The following SARAF variants were observed in gnomAD, a reference collection of about 807,000 sequenced individuals.
SARAF encodes store-operated calcium entry associated regulatory factor.
Under a neutral mutation model 39.7 loss-of-function variants are expected in SARAF, and 23 were observed. The observed-to-expected ratio is 0.58, with a 90% CI of 0.42 to 0.82. The LOEUF (loss-of-function observed/expected upper bound fraction) is 0.82. Among genes scored for constraint, SARAF ranks in the 40% least tolerant of loss-of-function variants. The pLI, the probability that SARAF is intolerant of heterozygous loss-of-function variation, is 0.00. For missense variants in SARAF, 384 were observed against 418.5 expected (o/e 0.92, Z 0.72); for synonymous variants, 175 against 168.5 (o/e 1.04, Z -0.30).
intron 1 of SARAF, among the ~76,000 whole-genome samples, chr8:30,081,040 G>A (rs1475655713): frequency 6.6e-6 from 1 of 152,154 alleles, no homozygotes; most frequent in Non-Finnish European, 1.5e-5. Context: ...TCGGGAGGCT[G>A]AGGCAGGAAA....
chr8:30,064,892 C>T (rs956234512), intron 5 of SARAF, among the ~76,000 whole-genome samples: 2 of 151,788 alleles, frequency 1.3e-5, no homozygotes, highest in African/African-American at 4.8e-5. Flanking sequence ...TATATTCTCC[C>T]AACTCCTTTT....
chr8:30,069,860 TAATC>T lies in SARAF; in HGVS notation c.478_481del (p.Asp160IlefsTer13). On this transcript the variant is annotated frameshift_variant, in exon 3 of 6. Transcript: ENST00000256255. LOFTEE classifies it high-confidence loss of function. ...ATCCGCCGAGGACCACTTATAATAATAATCAGAGAAAGAGGCAAAGCCGTGCTGC... is the reference window on the plus strand; with the variant it reads ...ATCCGCCGAGGACCACTTATAATAATAGAGAAAGAGGCAAAGCCGTGCTGC... 6.2e-7 allele frequency: 1 copy of T among 1,614,134 alleles called. No homozygotes were observed. The highest frequency in any genetic ancestry group is 8.5e-7 in the Non-Finnish European group (1 of 1,179,984).
chr8:30,076,605 T>C (rs1431859150), intron 1 of SARAF, among the ~76,000 whole-genome samples: 1 of 152,242 alleles, frequency 6.6e-6, no homozygotes, highest in Non-Finnish European at 1.5e-5. Flanking sequence ...AAAGTTCACA[T>C]GTTGGAAACT....
intron 3 of SARAF, 141 bp from the exon 4 acceptor site, chr8:30,067,059 T>A (rs949791186): frequency 1.2e-6 from 1 of 862,874 alleles, no homozygotes; most frequent in Non-Finnish European, 1.8e-6. Context: ...CAAGTTGTAT[T>A]CAAAAAGGTA....
In SARAF at chr8:30,082,930, G is replaced by A. The variant is rs1409452836; in HGVS notation, c.20C>T (p.Pro7Leu). MAAACG[P>L]GAAGYCLLLG... is the part of the protein sequence containing the mutation. ...GAGCAAGCAGTACCCGGCCGCTCCC[G>A]GCCCGCAGGCTGCGGCCATGGCGCT... The change falls in exon 1 of 6, where the codon CCG (proline) becomes CTG (leucine). Residue 7 changes from proline (P) to leucine (L), a missense_variant. Coordinates refer to ENST00000256255, the MANE Select transcript of SARAF (RefSeq NM_016127.6). 1.9e-6 allele frequency: 3 copies of A among 1,547,614 alleles called. No individual in the cohort carries two copies. Among genetic ancestry groups the A allele is most frequent in the African/African-American group, 1.4e-5 (1 of 71,878 alleles).
intron 3 of SARAF, among the ~76,000 whole-genome samples, chr8:30,068,310 C>A (rs925327153): frequency 6.6e-6 from 1 of 152,156 alleles, no homozygotes; most frequent in African/African-American, 2.4e-5. Flanking sequence ...ACAAACCCTA[C>A]TGTGAACTGC....
In SARAF at chr8:30,073,360, G is replaced by A. The variant is rs566030711; in HGVS notation, c.282+517C>T. Among the ~76,000 whole-genome samples the A allele has an allele frequency of 3.9e-5, 6 of 152,304 alleles. No individual in the cohort carries two copies. In the East Asian group the frequency reaches 7.7e-4, roughly 20 times the overall value. ...GGAACTTCAAGGAGATGCTCTGCTC[G>A]TATACAAAACACCAGCGTCCCAAAG... On this transcript the variant is annotated intron_variant, in intron 2 of 5. Coordinates refer to ENST00000256255, the MANE Select transcript of SARAF (RefSeq NM_016127.6).
At chr8:30,075,314 AAAT>A (rs1801933625) in intron 1 of SARAF, among the ~76,000 whole-genome samples, 1 of 151,980 alleles carries the variant, frequency 6.6e-6, no homozygotes, top group African/African-American at 2.4e-5. Flanking sequence ...AAAAAAAAAA[AAAT>A]GAATTTCTAT....
chr8:30,069,808 G>T lies in SARAF; in HGVS notation c.534C>A (p.Thr178=), dbSNP rs1230497930. Residue 178 remains threonine, a synonymous_variant, in exon 3 of 6, where the codon ACC becomes ACA. Coordinates refer to ENST00000256255, the MANE Select transcript of SARAF (RefSeq NM_016127.6). ...ADSCNMSGLI[T]IVVLLGIAFV... is the part of the protein sequence containing the mutation. ...ACGCGATCCCAAGGAGTACCACAAT[G>T]GTAATCAATCCACTCATGTTACAGG... 6.2e-7 allele frequency: 1 copy of T among 1,614,068 alleles called. No homozygotes were observed. The highest frequency in any genetic ancestry group is 1.3e-5 in the African/African-American group (1 of 75,002).
intron 1 of SARAF, among the ~76,000 whole-genome samples, chr8:30,077,114 G>GA (rs1425976217): frequency 3.3e-5 from 5 of 152,132 alleles, no homozygotes; most frequent in Non-Finnish European, 7.3e-5. Flanking sequence ...GATACTCAGA[G>GA]AAAAAACAAG....
rs191914319 is a variant in SARAF at position 30,065,155 on chromosome 8, G to A, written c.994+833C>T. Among the ~76,000 whole-genome samples, 302 of 152,246 alleles carry A rather than the reference G, an allele frequency of 2.0e-3. 1 individual carries two copies. Among genetic ancestry groups the A allele is most frequent in the Middle Eastern group, 6.8e-3 (2 of 294 alleles). ...CATCCATTTTACTGCTGATGGATAC[G>A]TGGGCTGTTTCCAGTTTTGGGCAAT... is the stretch of plus-strand genomic sequence containing the variant. On this transcript the variant is annotated intron_variant, in intron 5 of 5. Transcript: ENST00000256255.
rs1801608009 is a variant in SARAF, at chr8:30,063,711, A to ACACAT, written c.*172_*176dup. On this transcript the variant is annotated 3_prime_UTR_variant, in exon 6 of 6. Coordinates refer to ENST00000256255, the MANE Select transcript of SARAF (RefSeq NM_016127.6). ...ACATACAACACATAAGTATTTTGTCACACATCAACTTTTAGCCTCAAATAA... is the reference window on the plus strand; with the variant it reads ...ACATACAACACATAAGTATTTTGTCACACATCACATCAACTTTTAGCCTCAAATAA... The ACACAT allele has an allele frequency of 1.6e-6, 1 of 623,846 alleles. No individual in the cohort carries two copies. The highest frequency in any genetic ancestry group is 2.8e-6 in the Non-Finnish European group (1 of 352,166). The allele number at this position is 623,846 out of a possible 1,614,324, so 38.6% of individuals were successfully genotyped here.
intron 1 of SARAF, among the ~76,000 whole-genome samples, chr8:30,081,336 G>A (rs1214090736): frequency 6.6e-6 from 1 of 151,934 alleles, no homozygotes; most frequent in Non-Finnish European, 1.5e-5. Context: ...AGTTCTTCTG[G>A]CTCTTCAACT....
intron 1 of SARAF, among the ~76,000 whole-genome samples, chr8:30,081,330 C>T (rs1024970967): frequency 2.0e-5 from 3 of 152,058 alleles, no homozygotes; most frequent in African/African-American, 7.2e-5. Context: ...TTTTATAGTT[C>T]TTCTGGCTCT....
At chr8:30,068,750 C>T (rs1381721305) in intron 3 of SARAF, among the ~76,000 whole-genome samples, 1 of 152,068 alleles carries the variant, frequency 6.6e-6, no homozygotes, top group East Asian at 1.9e-4. Context: ...TTATGTTCTA[C>T]CGGAAATACA....
rs1319036441 is a variant in SARAF, at chr8:30,064,547, A to ATTTTTTTTTTTTTTTTTTTTTT, written c.995-635_995-634insAAAAAAAAAAAAAAAAAAAAAA. 1.1e-4 allele frequency among the ~76,000 whole-genome samples: 4 copies of ATTTTTTTTTTTTTTTTTTTTTT among 37,012 alleles called. 2 individuals are homozygous for ATTTTTTTTTTTTTTTTTTTTTT. Among genetic ancestry groups the ATTTTTTTTTTTTTTTTTTTTTT allele is most frequent in the Non-Finnish European group, 2.0e-4 (4 of 20,278 alleles). 24.3% of individuals were successfully genotyped at this position (37,012 alleles called of 152,430 possible). On this transcript the variant is annotated intron_variant, in intron 5 of 5. Coordinates refer to ENST00000256255, the MANE Select transcript of SARAF (RefSeq NM_016127.6). ...GTCTTACCTAGCCATATATATATATATATATATATATATATTTTTTTTTTT... is the reference window on the plus strand; with the variant it reads ...GTCTTACCTAGCCATATATATATATATTTTTTTTTTTTTTTTTTTTTTTATATATATATATATTTTTTTTTTT...
At chr8:30,064,547 ATATATATATATATAT>A (rs1473611340) in intron 5 of SARAF, among the ~76,000 whole-genome samples, 1 of 37,012 alleles carries the variant, frequency 2.7e-5, no homozygotes. Context: ...ATATATATAT[ATATATATATATATAT>A]TTTTTTTTTT....
chr8:30,063,839 T>C lies in SARAF; in HGVS notation c.*49A>G, dbSNP rs752109056. 5.1e-6 allele frequency: 8 copies of C among 1,569,952 alleles called. No homozygotes were observed. In the East Asian group the frequency reaches 6.7e-5, roughly 13 times the overall value. ...TACTTTTTTTCTAAAGAGAAAGTGATGAAAAATCCAAAATTTCTGCATCCA... is the reference window on the plus strand; with the variant it reads ...TACTTTTTTTCTAAAGAGAAAGTGACGAAAAATCCAAAATTTCTGCATCCA... On this transcript the variant is annotated 3_prime_UTR_variant, in exon 6 of 6. Transcript: ENST00000256255.
rs748730163 is a variant in SARAF at position 30,069,633 on chromosome 8, G to C, written c.700+9C>G. 3.9e-6 allele frequency: 6 copies of C among 1,545,726 alleles called. No homozygotes were observed. Among genetic ancestry groups the C allele is most frequent in the Non-Finnish European group, 5.3e-6 (6 of 1,129,510 alleles). ...CGCTCTATTTATGGCCACTGCGAGG[G>C]AAACATACCTGTGAACTCAGACTTA... On this transcript the variant is annotated intron_variant, in intron 3 of 5. Coordinates refer to ENST00000256255, the MANE Select transcript of SARAF (RefSeq NM_016127.6).
Sources: allele counts gnomAD v4.1 joint callset (sites outside exome capture counted in the v4.1 genomes callset), GRCh38; gene constraint gnomAD v4.1.1; transcripts MANE v1.5; gene names NCBI Gene and HGNC (gene_info 2026-07-23, HGNC 2026-07-21).